The following DRC8 variants were observed in gnomAD, a reference collection of about 807,000 sequenced individuals.
DRC8 encodes the protein dynein regulatory complex protein 8.
At chr1:244,973,226 CTAATA>C in the DRC8 span, among the ~76,000 whole-genome samples, 87,923 of 151,270 alleles carry the variant, frequency 0.58, 26,215 homozygotes, top group East Asian at 0.75. Context: ...TGGCAATATA[CTAATA>C]TAATAATATA....
the DRC8 span, among the ~76,000 whole-genome samples, chr1:245,049,328 C>T: frequency 6.6e-6 from 1 of 152,308 alleles, no homozygotes; most frequent in African/African-American, 2.4e-5. This position sits in a 1 kb window ranked among gnomAD's most constrained non-coding sequence, Gnocchi z 4.5. Context: ...TTACATAAGC[C>T]ACAGTGTCTG....
the DRC8 span, among the ~76,000 whole-genome samples, chr1:245,073,658 TA>T: frequency 1.3e-5 from 2 of 151,816 alleles, no homozygotes; most frequent in Non-Finnish European, 1.5e-5. Context: ...GTTAAGTAAA[TA>T]AAAAAAGACG....
At chr1:245,049,612 T>TCAA in the DRC8 span, among the ~76,000 whole-genome samples, 3 of 152,022 alleles carry the variant, frequency 2.0e-5, no homozygotes, top group South Asian at 2.1e-4. This position sits in a 1 kb window ranked among gnomAD's most constrained non-coding sequence, Gnocchi z 4.5. Flanking sequence ...GAAAAAATCA[T>TCAA]CAACAACAAC....
At chr1:245,039,498 G>T in the DRC8 span, among the ~76,000 whole-genome samples, 1 of 143,936 alleles carries the variant, frequency 6.9e-6, no homozygotes, top group Admixed American at 7.0e-5. Flanking sequence ...AAGAGTTTGT[G>T]TATCCTTCAC....
At chr1:245,082,734 C>T in the DRC8 span, among the ~76,000 whole-genome samples, 3 of 151,528 alleles carry the variant, frequency 2.0e-5, no homozygotes, top group Admixed American at 1.3e-4. Context: ...GATGGACTTT[C>T]GCTTTTGTCA....
the DRC8 span, chr1:245,043,895 A>G: frequency 1.1e-5 from 1 of 92,074 alleles, no homozygotes; most frequent in Non-Finnish European, 2.7e-5. Context: ...GAAATAAATT[A>G]TATAGACAAT....
the DRC8 span, among the ~76,000 whole-genome samples, chr1:244,992,020 T>C: frequency 6.6e-6 from 1 of 152,232 alleles, no homozygotes; most frequent in Non-Finnish European, 1.5e-5. Flanking sequence ...GACAGGGAGC[T>C]GGAAACTGCA....
chr1:245,101,841 G>C, the DRC8 span, among the ~76,000 whole-genome samples: 1 of 152,110 alleles, frequency 6.6e-6, no homozygotes, highest in African/African-American at 2.4e-5. Flanking sequence ...GATGTTCACA[G>C]TATCCCATTT....
At chr1:245,027,473 A>G in the DRC8 span, among the ~76,000 whole-genome samples, 1 of 152,168 alleles carries the variant, frequency 6.6e-6, no homozygotes, top group South Asian at 2.1e-4. Context: ...AGTTGAAGAA[A>G]TTGTGGAATC....
At chr1:245,108,016 C>T in the DRC8 span, among the ~76,000 whole-genome samples, 1 of 152,166 alleles carries the variant, frequency 6.6e-6, no homozygotes, top group Non-Finnish European at 1.5e-5. Context: ...CCATGCTCTC[C>T]CCTTGACTTT....
At chr1:244,985,837 C>G in the DRC8 span, among the ~76,000 whole-genome samples, 2 of 147,654 alleles carry the variant, frequency 1.4e-5, no homozygotes, top group Non-Finnish European at 3.0e-5. Context: ...GAACTCCAGC[C>G]TGGGCAACAG....
At chr1:245,058,764 C>T in the DRC8 span, among the ~76,000 whole-genome samples, 1 of 152,194 alleles carries the variant, frequency 6.6e-6, no homozygotes, top group East Asian at 1.9e-4. Context: ...GTGAATAACT[C>T]ATATTTATTG....
the DRC8 span, among the ~76,000 whole-genome samples, chr1:245,110,032 A>G: frequency 6.6e-6 from 1 of 152,136 alleles, no homozygotes. Context: ...TTTAATCTTC[A>G]ATGCTTGGCC....
the DRC8 span, among the ~76,000 whole-genome samples, chr1:244,985,876 A>AAAT: frequency 1.5e-4 from 23 of 152,038 alleles, no homozygotes; most frequent in South Asian, 6.2e-4. Context: ...AAAAAAAAAA[A>AAAT]ATACATAATT....
the DRC8 span, among the ~76,000 whole-genome samples, chr1:245,081,344 G>A: frequency 1.3e-5 from 2 of 151,876 alleles, no homozygotes; most frequent in African/African-American, 2.4e-5. Flanking sequence ...TGTAGTTTTA[G>A]TAGAGACAGG....
the DRC8 span, among the ~76,000 whole-genome samples, chr1:245,040,378 A>C: frequency 1.9e-4 from 29 of 152,264 alleles, no homozygotes; most frequent in African/African-American, 7.0e-4. Flanking sequence ...TTCACCTTGA[A>C]TCACACTCGC....
At chr1:245,122,421 A>G in the DRC8 span, 2 of 153,970 alleles carry the variant, frequency 1.3e-5, no homozygotes, top group African/African-American at 2.4e-5. Context: ...ACAACAGCTT[A>G]TATAATAGTC....
chr1:244,971,000 C>T, the DRC8 span: 1 of 160,690 alleles, frequency 6.2e-6, no homozygotes, highest in Non-Finnish European at 1.3e-5. Context: ...GTTCTGGCCG[C>T]CTGAATCTGA....
the DRC8 span, among the ~76,000 whole-genome samples, chr1:244,994,905 G>T: frequency 6.6e-6 from 1 of 152,174 alleles, no homozygotes; most frequent in Non-Finnish European, 1.5e-5. Context: ...TCCTGGCAGT[G>T]CCCTAAATTT....
Sources: gnomAD v4.1 joint callset for allele counts (sites outside exome capture counted in the v4.1 genomes callset) on GRCh38, gnomAD v4.1.1 for gene constraint, Gnocchi (gnomAD v3.1) non-coding constraint, MANE v1.5 for transcripts, NCBI Gene and HGNC (gene_info 2026-07-23, HGNC 2026-07-21) for gene names.